The following DSE variants were observed in gnomAD, a reference collection of about 807,000 sequenced individuals.
DSE encodes dermatan sulfate epimerase.
DSE carries 36 observed loss-of-function variants against 84.4 expected under a neutral mutation model. The ratio of observed to expected loss-of-function variants is 0.43; its 90% CI spans 0.33 to 0.56. The LOEUF is 0.56. Among genes scored for constraint, DSE ranks in the 20% least tolerant of loss-of-function variants. The pLI is 0.06. For synonymous variants in DSE, 410 were observed against 430.1 expected, an observed-to-expected ratio of 0.95 and a Z score of 0.58; for missense variants, 862 against 1,169.6, an observed-to-expected ratio of 0.74 and a Z score of 3.84.
intron 2 of DSE, 150 bp downstream of exon 2, chr6:116,399,816 T>C (rs1047794598): frequency 2.2e-5 from 16 of 711,338 alleles, no homozygotes; most frequent in Middle Eastern, 4.0e-4. Flanking sequence ...GCCAGTCTTA[T>C]GAATGGCCCT....
intron 2 of DSE, among the ~76,000 whole-genome samples, chr6:116,289,207 C>T (rs548512893): frequency 8.4e-4 from 127 of 151,924 alleles, no homozygotes; most frequent in African/African-American, 2.8e-3. Context: ...GGACAAACCC[C>T]TACTGTATTT....
intron 4 of DSE, among the ~76,000 whole-genome samples, chr6:116,431,790 A>T (rs571588752): frequency 5.3e-5 from 8 of 152,292 alleles, no homozygotes; most frequent in South Asian, 4.1e-4. Flanking sequence ...CTCTAAAAAA[A>T]ATATATACAT....
intron 2 of DSE, among the ~76,000 whole-genome samples, chr6:116,273,986 C>T (rs1234189123): frequency 6.6e-6 from 1 of 151,706 alleles, no homozygotes; most frequent in East Asian, 2.0e-4. Context: ...CCTGCCACCA[C>T]ACCCAGCTAA....
At chr6:116,324,563 C>G (rs1039726183) in intron 2 of DSE, among the ~76,000 whole-genome samples, 1 of 152,144 alleles carries the variant, frequency 6.6e-6, no homozygotes, top group Admixed American at 6.5e-5. Flanking sequence ...TTGCAGCGTA[C>G]GTAGCTTTGG....
At chr6:116,283,573 T>C (rs1391813093) in intron 2 of DSE, among the ~76,000 whole-genome samples, 1 of 150,902 alleles carries the variant, frequency 6.6e-6, no homozygotes, top group East Asian at 1.9e-4. Flanking sequence ...TTATGGAGTC[T>C]CACTCTGTCG....
intron 2 of DSE, among the ~76,000 whole-genome samples, chr6:116,268,849 T>C (rs1403308629): frequency 1.3e-5 from 2 of 152,130 alleles, no homozygotes; most frequent in African/African-American, 2.4e-5. Flanking sequence ...TTGGCAAAAA[T>C]AGATCATATT....
At chr6:116,316,826 C>CTGTTATTATTATTATTATTAT (rs1554211541) in intron 2 of DSE, among the ~76,000 whole-genome samples, 1 of 145,848 alleles carries the variant, frequency 6.9e-6, no homozygotes, top group African/African-American at 2.6e-5. Flanking sequence ...ACTACTACTA[C>CTGTTATTATTATTATTATTAT]TATTATTATT....
At chr6:116,273,837 T>C (rs928855089) in intron 2 of DSE, among the ~76,000 whole-genome samples, 2 of 149,992 alleles carry the variant, frequency 1.3e-5, no homozygotes, top group Admixed American at 6.6e-5. Flanking sequence ...TTTTTTTGTT[T>C]TTTTTTTTTT....
chr6:116,369,951 C>G (rs1583107951), upstream of DSE: 1 of 1,289,198 alleles, frequency 7.8e-7, no homozygotes, highest in Non-Finnish European at 1.0e-6. Context: ...AAATCTTTCA[C>G]TTCTGTACAA....
intron 2 of DSE, among the ~76,000 whole-genome samples, chr6:116,407,225 A>C (rs901405345): frequency 6.6e-6 from 1 of 152,202 alleles, no homozygotes; most frequent in Non-Finnish European, 1.5e-5. Flanking sequence ...TCTTAGATGT[A>C]CTAAAACTTA....
chr6:116,264,558 C>T (rs1772540834), intron 2 of DSE, among the ~76,000 whole-genome samples: 1 of 152,010 alleles, frequency 6.6e-6, no homozygotes, highest in African/African-American at 2.4e-5. Context: ...CATTCCTATC[C>T]ATATTCTGAA....
At chr6:116,293,115 A>G (rs930030283) in intron 2 of DSE, among the ~76,000 whole-genome samples, 1 of 152,054 alleles carries the variant, frequency 6.6e-6, no homozygotes, top group African/African-American at 2.4e-5. Flanking sequence ...GAGATAATTT[A>G]ACTTTATATA....
upstream of DSE, among the ~76,000 whole-genome samples, chr6:116,368,272 C>T (rs1034228034): frequency 2.6e-5 from 4 of 152,210 alleles, no homozygotes; most frequent in East Asian, 7.7e-4. Flanking sequence ...GACAAGGTAA[C>T]ATGTGGGTCC....
intron 2 of DSE, among the ~76,000 whole-genome samples, chr6:116,421,440 TAC>T (rs1783066716): frequency 1.9e-5 from 2 of 102,696 alleles, no homozygotes; most frequent in African/African-American, 4.1e-5. Context: ...TAACTATATA[TAC>T]ATATATATAT....
intron 2 of DSE, among the ~76,000 whole-genome samples, chr6:116,426,244 A>G (rs924783009): frequency 8.5e-5 from 13 of 152,238 alleles, no homozygotes; most frequent in African/African-American, 3.1e-4. Context: ...TGGGTATTCC[A>G]GAGAATTTTG....
In DSE at chr6:116,437,395, C is replaced by CAAA; in HGVS notation, c.*59_*61dup. 2 of 1,177,498 alleles carry CAAA rather than the reference C, an allele frequency of 1.7e-6. No homozygotes were observed. The highest frequency in any genetic ancestry group is 3.0e-5 in the Admixed American group (1 of 32,990). 72.9% of individuals were successfully genotyped at this position (1,177,498 alleles called of 1,614,324 possible). ...CATTTTGTGATCACAAGAGTCTATG[C>CAAA]AAAAAAAAAAATTTCTTTACCCCAG... On this transcript the variant is annotated 3_prime_UTR_variant, in exon 6 of 6. Transcript: ENST00000644252.
intron 1 of DSE, among the ~76,000 whole-genome samples, chr6:116,377,372 A>G (rs1779990527): frequency 6.6e-6 from 1 of 152,218 alleles, no homozygotes; most frequent in Admixed American, 6.5e-5. Flanking sequence ...GTACGAAGGC[A>G]ATATATCAGC....
rs372994658 is a variant in DSE at position 116,295,964 on chromosome 6, GAC to G, written c.-54+36999_-54+37000del. On this transcript the variant is annotated intron_variant, in intron 2 of 3. Transcript: ENST00000430252. ...TTGGAATTATATTTACAATATGAAA[GAC>G]AGCACTTTTCATTCAACCTCATCAA... Among the ~76,000 whole-genome samples the G allele has an allele frequency of 1.6e-3, 238 of 152,194 alleles. 1 individual carries two copies. Among genetic ancestry groups the G allele is most frequent in the African/African-American group, 5.4e-3 (225 of 41,522 alleles).
intron 2 of DSE, among the ~76,000 whole-genome samples, chr6:116,268,960 A>C (rs995253648): frequency 3.3e-5 from 5 of 152,114 alleles, no homozygotes; most frequent in Non-Finnish European, 5.9e-5. Context: ...CACTGTTACA[A>C]AAGTAATATT....
Sources: gnomAD v4.1 joint callset for allele counts (sites outside exome capture counted in the v4.1 genomes callset) on GRCh38, gnomAD v4.1.1 for gene constraint, MANE v1.5 for transcripts, NCBI Gene and HGNC (gene_info 2026-07-23, HGNC 2026-07-21) for gene names.